The following DUOX2 variants were observed in gnomAD, a reference collection of about 807,000 sequenced individuals.
DUOX2 encodes the protein NADH/NADPH thyroid oxidase p138-tox.
In DUOX2, 185 loss-of-function variants were observed where a neutral mutation model predicts 183.3. That is an observed-to-expected ratio of 1.01 (90% CI 0.90 to 1.14). The LOEUF is 1.14. Among genes scored for constraint, DUOX2 ranks in the 50% most tolerant of loss-of-function variants. The pLI is 0.00. For missense variants in DUOX2, 1,999 were observed against 2,022.9 expected (o/e 0.99, Z 0.23); for synonymous variants, 788 against 812.4 (o/e 0.97, Z 0.51).
chr15:45,112,829 C>T lies in DUOX2; in HGVS notation c.161-111G>A, dbSNP rs549464009. ...ATCCCACTTCACTGACAGAACCTTCCCTCAAGGGTCTCTTGGCCCCGGGAG... is the reference window on the plus strand; with the variant it reads ...ATCCCACTTCACTGACAGAACCTTCTCTCAAGGGTCTCTTGGCCCCGGGAG... On this transcript the variant is annotated intron_variant, in intron 3 of 33. Coordinates refer to ENST00000389039, the MANE Select transcript of DUOX2 (RefSeq NM_001363711.2). The T allele has an allele frequency of 3.8e-6, 6 of 1,564,134 alleles. No individual in the cohort carries two copies. In the African/African-American group the frequency reaches 6.7e-5, roughly 18 times the overall value.
At chr15:45,094,389 G>C (rs1478747374) in intron 33 of DUOX2, 117 bp from the exon 34 acceptor site, 4 of 1,564,110 alleles carry the variant, frequency 2.6e-6, no homozygotes, top group Non-Finnish European at 3.5e-6. Flanking sequence ...CAGGCCTTGA[G>C]GAGGAGGCTT....
intron 3 of DUOX2, 123 bp downstream of exon 3, chr15:45,112,864 T>C (rs980943237): frequency 1.3e-6 from 2 of 1,530,044 alleles, no homozygotes; most frequent in Non-Finnish European, 1.8e-6. Flanking sequence ...GCGCATAAGA[T>C]TGCGCTGTGT....
chr15:45,108,141 C>CA lies in DUOX2; in HGVS notation c.1479dup (p.Gly494TrpfsTer22), dbSNP rs1190275359. The CA allele has an allele frequency of 3.1e-6, 5 of 1,614,094 alleles. No individual in the cohort carries two copies. The highest frequency in any genetic ancestry group is 4.2e-6 in the Non-Finnish European group (5 of 1,179,972). ...GCACTGAACAGGGGTCCAGGGTCCCCATGGCTCTCCAGGAGCCCCCCAAGG... is the reference window on the plus strand; with the variant it reads ...GCACTGAACAGGGGTCCAGGGTCCCCAATGGCTCTCCAGGAGCCCCCCAAGG... On this transcript the variant is annotated frameshift_variant, in exon 13 of 34. Coordinates refer to ENST00000389039, the MANE Select transcript of DUOX2 (RefSeq NM_001363711.2). LOFTEE classifies it high-confidence loss of function.
chr15:45,112,781 T>G lies in DUOX2; in HGVS notation c.161-63A>C, dbSNP rs182090. On this transcript the variant is annotated intron_variant, in intron 3 of 33. Coordinates refer to ENST00000389039, the MANE Select transcript of DUOX2 (RefSeq NM_001363711.2). Reference sequence around the variant, plus strand: ...CATCCCCTAGGATCCCCCAAACCTCTCCCTAAGCCTCCCTCAACCCCCATC... The same window carrying G: ...CATCCCCTAGGATCCCCCAAACCTCGCCCTAAGCCTCCCTCAACCCCCATC... 1 allele frequency: 1,600,723 copies of G among 1,603,090 alleles called. 799,210 individuals are homozygous for G. Among genetic ancestry groups the G allele is most frequent in the East Asian group, 1 (44,838 of 44,838 alleles).
intron 16 of DUOX2, 52 bp from the exon 17 acceptor site, chr15:45,106,379 C>A: frequency 1.2e-6 from 2 of 1,607,248 alleles, no homozygotes; most frequent in Non-Finnish European, 1.7e-6. Context: ...CCCAGGTCCC[C>A]GCCTTCAGGT....
At chr15:45,094,317 G>T in intron 33 of DUOX2, 45 bp from the exon 34 acceptor site, 2 of 1,613,516 alleles carry the variant, frequency 1.2e-6, no homozygotes, top group South Asian at 2.2e-5. Context: ...GCCTAAAGGT[G>T]CTCACTCTCC....
Position 45,104,263 on chromosome 15 carries a change from C to G in DUOX2, c.2437G>C (p.Glu813Gln). Residue 813 changes from glutamate (E) to glutamine (Q), a missense_variant, in exon 19 of 34, where the codon GAG becomes CAG. Physicochemically the swap from Glu to Gln is conservative, Grantham distance 29. This residue lies in a region of DUOX2 where 1,628 missense variants were observed against 1,608.6 expected (regional missense o/e 1.01). Coordinates refer to ENST00000389039, the MANE Select transcript of DUOX2 (RefSeq NM_001363711.2). ...TCCTGGGGCTTGAGGCCCAGGGACT[C>G]GGCAAACTCGGCCCTGCTCAGCTCG... ...TCELSRAEFA[E>Q]SLGLKPQDMF... 6.2e-7 allele frequency: 1 copy of G among 1,614,076 alleles called. No homozygotes were observed. The highest frequency in any genetic ancestry group is 8.5e-7 in the Non-Finnish European group (1 of 1,179,994).
chr15:45,109,960 C>A lies in DUOX2; in HGVS notation c.1061G>T (p.Arg354Leu). The A allele has an allele frequency of 5.6e-6, 9 of 1,614,058 alleles. No individual in the cohort carries two copies. Among genetic ancestry groups the A allele is most frequent in the Non-Finnish European group, 7.6e-6 (9 of 1,180,014 alleles). The change falls in exon 10 of 34, where the codon CGG (arginine) becomes CTG (leucine). Residue 354 changes from arginine to leucine, a missense_variant. Transcript: ENST00000389039. ...TTGAAAACCCTTGTTCAGGACCTTC[C>A]GGAAATGACAGCTGGCATTTCTGAA... ...VYMRNASCHF[R>L]KVLNKGFQSS... is the part of the protein sequence containing the mutation.
rs1305600182 is a variant in DUOX2 at position 45,093,045 on chromosome 15, G to T, written c.*1105C>A. The T allele has an allele frequency of 6.6e-6, 1 of 152,118 alleles. No homozygotes were observed. The highest frequency in any genetic ancestry group is 2.4e-5 in the African/African-American group (1 of 41,398). 9.4% of individuals were successfully genotyped at this position (152,118 alleles called of 1,614,324 possible). On this transcript the variant is annotated 3_prime_UTR_variant, in exon 34 of 34. Coordinates refer to ENST00000389039, the MANE Select transcript of DUOX2 (RefSeq NM_001363711.2). ...TGTACATGATTATTTATTATACCTC[G>T]ATGTAAAATATTTTACAGCTCAGCT...
Position 45,094,245 on chromosome 15 carries a change from C to G in DUOX2, c.4552G>C (p.Gly1518Arg). 2 of 1,614,074 alleles carry G rather than the reference C, an allele frequency of 1.2e-6. No homozygotes were observed. The highest frequency in any genetic ancestry group is 8.5e-7 in the Non-Finnish European group (1 of 1,180,010). The change falls in exon 34 of 34, where the codon GGC (glycine) becomes CGC (arginine). Residue 1518 changes from glycine (G) to arginine (R), a missense_variant. By Grantham distance (125) the Gly-to-Arg change is moderately radical. Coordinates refer to ENST00000389039, the MANE Select transcript of DUOX2 (RefSeq NM_001363711.2). ...QVRKIGVFSC[G>R]PPGMTKNVEK... is the part of the protein sequence containing the mutation. The stretch of plus-strand genomic sequence containing the variant: ...ACATTCTTGGTCATTCCTGGAGGGC[C>G]GCAGCTGAACACCCCGATCTTGCGC...
chr15:45,104,692 A>C (rs771509726), intron 18 of DUOX2, among the ~76,000 whole-genome samples: 11 of 152,358 alleles, frequency 7.2e-5, no homozygotes, highest in Middle Eastern at 3.4e-3. Flanking sequence ...AGATGTAGAG[A>C]CATGGTGGTA....
At chr15:45,099,540 T>C in intron 25 of DUOX2, 58 bp from the exon 26 acceptor site, 3 of 1,584,014 alleles carry the variant, frequency 1.9e-6, no homozygotes, top group African/African-American at 1.3e-5. Context: ...CCTCCGATCC[T>C]GAGGGAGAGA....
chr15:45,111,857 G>A lies in DUOX2; in HGVS notation c.424C>T (p.Pro142Ser). The change falls in exon 5 of 34, where the codon CCC becomes TCC. Residue 142 changes from proline to serine, a missense_variant. Physicochemically the swap from Pro to Ser is moderately conservative, Grantham distance 74. Around this residue, in one of 3 missense-constraint regions of DUOX2, gnomAD observed 356 missense variants for 356.4 expected, o/e 1.00. Coordinates refer to ENST00000389039, the MANE Select transcript of DUOX2 (RefSeq NM_001363711.2). ...AGCACCACGTCCCCGCGCTGGTCGG[G>A]GTCGAACACGGGGTCTCCAGGTGGG... ...RIPPGDPVFDPDQRGDVVLPF... is the reference protein window; with the variant it reads ...RIPPGDPVFDSDQRGDVVLPF... 1 of 1,613,666 alleles carries A rather than the reference G, an allele frequency of 6.2e-7. No homozygotes were observed. Among genetic ancestry groups the A allele is most frequent in the Non-Finnish European group, 8.5e-7 (1 of 1,179,962 alleles).
At chr15:45,111,989 G>C in intron 4 of DUOX2, 34 bp from the exon 5 acceptor site, 1 of 1,608,866 alleles carries the variant, frequency 6.2e-7, no homozygotes, top group Non-Finnish European at 8.5e-7. Context: ...GTGACAAACC[G>C]TCCGTATTGC....
At chr15:45,109,398 C>T (rs1211011724) in intron 11 of DUOX2, 126 bp downstream of exon 11, 1 of 802,186 alleles carries the variant, frequency 1.2e-6, no homozygotes, top group Admixed American at 2.0e-5. Flanking sequence ...CTTATGGCTC[C>T]TTGAAGTCTG....
intron 20 of DUOX2, among the ~76,000 whole-genome samples, chr15:45,103,626 C>G (rs566697909): frequency 6.6e-6 from 1 of 151,986 alleles, no homozygotes; most frequent in Non-Finnish European, 1.5e-5. Flanking sequence ...TTGGGCGTGC[C>G]GTAAAATAGT....
Position 45,097,720 on chromosome 15 carries a change from A to G in DUOX2, c.3587T>C (p.Leu1196Pro). The part of the protein sequence containing the change: ...TVPGMTGVLL[L>P]LVLAIMYVFA... ...GACATACATGATGGCCAGGACCAGG[A>G]GCAGAAGCACACCTGTCATACCTGG... Residue 1196 changes from leucine (L) to proline (P), a missense_variant, in exon 28 of 34, where the codon CTC becomes CCC. Leu to Pro is a moderately conservative substitution (Grantham distance 98). Around this residue, in one of 3 missense-constraint regions of DUOX2, gnomAD observed 1,628 missense variants for 1,608.6 expected, o/e 1.01. Transcript: ENST00000389039. The G allele has an allele frequency of 6.2e-7, 1 of 1,614,232 alleles. No individual in the cohort carries two copies. Among genetic ancestry groups the G allele is most frequent in the Non-Finnish European group, 8.5e-7 (1 of 1,180,036 alleles).
chr15:45,096,805 A>G (rs1595519561), intron 29 of DUOX2, among the ~76,000 whole-genome samples: 1 of 152,210 alleles, frequency 6.6e-6, no homozygotes, highest in Non-Finnish European at 1.5e-5. Flanking sequence ...GCCACCCTCT[A>G]TGATGATACC....
intron 20 of DUOX2, 63 bp from the exon 21 acceptor site, chr15:45,102,052 G>A (rs1414275569): frequency 2.5e-6 from 4 of 1,585,314 alleles, no homozygotes; most frequent in Non-Finnish European, 3.4e-6. Context: ...GGTAGGTGCA[G>A]GGTGGGGCAG....
Sources: allele counts gnomAD v4.1 joint callset (sites outside exome capture counted in the v4.1 genomes callset), GRCh38; gene constraint gnomAD v4.1.1; regional missense constraint gnomAD v4.1.1; transcripts MANE v1.5; gene names NCBI Gene and HGNC (gene_info 2026-07-23, HGNC 2026-07-21).